The following PHTF1 variants were observed in gnomAD, a reference collection of about 807,000 sequenced individuals.
PHTF1 encodes the protein protein PHTF1.
A neutral mutation model predicts 102.4 loss-of-function variants in PHTF1; 88 were observed. The ratio of observed to expected loss-of-function variants is 0.86; its 90% CI spans 0.72 to 1.03. PHTF1 has a LOEUF of 1.03. PHTF1 is among the 50% of genes least tolerant of loss of function. The probability of loss-of-function intolerance (pLI) is 0.00; values close to 1 mark genes in which losing one functional copy is unlikely to be tolerated. For synonymous variants in PHTF1, 289 were observed against 305.2 expected (o/e 0.95, Z 0.55); for missense variants, 814 against 909.5 (o/e 0.89, Z 1.35).
chr1:113,708,694 T>G (rs1275635888), intron 11 of PHTF1, among the ~76,000 whole-genome samples: 1 of 152,064 alleles, frequency 6.6e-6, no homozygotes, highest in Non-Finnish European at 1.5e-5. Context: ...AGTGTGGTAT[T>G]AAGAAATACA....
At chr1:113,756,879 T>C (rs1263021323) in intron 3 of PHTF1, among the ~76,000 whole-genome samples, 2 of 152,116 alleles carry the variant, frequency 1.3e-5, no homozygotes. Flanking sequence ...CTTAAAACCA[T>C]ACTCTAGGCC....
chr1:113,759,670 T>C (rs1427757149), upstream of PHTF1, among the ~76,000 whole-genome samples: 1 of 152,236 alleles, frequency 6.6e-6, no homozygotes, highest in Non-Finnish European at 1.5e-5. Context: ...AGCAGCTCCC[T>C]CAGATCACCC....
At chr1:113,733,363 G>T (rs1014200481) in intron 5 of PHTF1, among the ~76,000 whole-genome samples, 4 of 151,790 alleles carry the variant, frequency 2.6e-5, no homozygotes, top group Non-Finnish European at 4.4e-5. Context: ...CTATTTCAAA[G>T]AACAAATCCT....
At chr1:113,748,845 T>A (rs535888256) in intron 3 of PHTF1, among the ~76,000 whole-genome samples, 1 of 152,334 alleles carries the variant, frequency 6.6e-6, no homozygotes, top group South Asian at 2.1e-4. Context: ...CCTGAATTTA[T>A]TCTGATTATT....
intron 3 of PHTF1, among the ~76,000 whole-genome samples, chr1:113,752,816 G>T (rs2797414): frequency 1.3e-5 from 2 of 151,972 alleles, no homozygotes; most frequent in African/African-American, 4.8e-5. Flanking sequence ...TACATTGGCT[G>T]GGACTCCCAG....
intron 3 of PHTF1, among the ~76,000 whole-genome samples, chr1:113,743,801 C>T (rs1015768962): frequency 6.6e-6 from 1 of 152,170 alleles, no homozygotes; most frequent in African/African-American, 2.4e-5. Context: ...TGGCACATGA[C>T]TGTACTTAAG....
At chr1:113,711,628 C>T in intron 10 of PHTF1, 118 bp downstream of exon 10, 1 of 691,816 alleles carries the variant, frequency 1.4e-6, no homozygotes, top group South Asian at 1.8e-5. Flanking sequence ...TAATTGGAGA[C>T]AGGGAAGGGC....
chr1:113,721,766 T>C (rs1038623055), intron 7 of PHTF1, among the ~76,000 whole-genome samples: 29 of 152,078 alleles, frequency 1.9e-4, no homozygotes, highest in Non-Finnish European at 3.5e-4. Flanking sequence ...CTTGGCTCAC[T>C]GCAAGCTCCA....
At chr1:113,756,946 TC>T (rs1040736751) in intron 3 of PHTF1, among the ~76,000 whole-genome samples, 5 of 152,094 alleles carry the variant, frequency 3.3e-5, no homozygotes, top group African/African-American at 1.2e-4. Context: ...GGTGAGCAGA[TC>T]ACAAGGTCAG....
intron 3 of PHTF1, among the ~76,000 whole-genome samples, chr1:113,751,019 T>C (rs1004140873): frequency 4.6e-5 from 7 of 152,158 alleles, no homozygotes; most frequent in African/African-American, 1.7e-4. Flanking sequence ...CCCAGCACTT[T>C]GGGAGGCCAG....
At chr1:113,743,756 A>G (rs1656775117) in intron 3 of PHTF1, among the ~76,000 whole-genome samples, 1 of 152,212 alleles carries the variant, frequency 6.6e-6, no homozygotes, top group Non-Finnish European at 1.5e-5. Flanking sequence ...CCATTGTCGT[A>G]TATGAGGTCC....
chr1:113,713,835 G>A (rs7533597), intron 7 of PHTF1: 3,577 of 167,360 alleles, frequency 0.021, 148 homozygotes, highest in African/African-American at 0.08. Context: ...GCCAGGGAGT[G>A]CATTTTTGCC....
chr1:113,758,252 A>AG (rs1659185564), intron 2 of PHTF1, among the ~76,000 whole-genome samples: 1 of 151,560 alleles, frequency 6.6e-6, no homozygotes, highest in African/African-American at 2.4e-5. Context: ...AAAAAAAAAA[A>AG]AAATCCACTT....
chr1:113,750,299 T>C (rs1260401254), intron 3 of PHTF1, among the ~76,000 whole-genome samples: 2 of 152,164 alleles, frequency 1.3e-5, no homozygotes, highest in Admixed American at 6.5e-5. Flanking sequence ...TCATCTTTAA[T>C]GAGGAGTGTC....
intron 15 of PHTF1, among the ~76,000 whole-genome samples, chr1:113,702,564 G>A (rs570191158): frequency 6.6e-6 from 1 of 151,918 alleles, no homozygotes; most frequent in African/African-American, 2.4e-5. Flanking sequence ...CCAGCCTGGG[G>A]AACAAAGCCA....
At chr1:113,740,069 C>T (rs1310494049) in intron 3 of PHTF1, among the ~76,000 whole-genome samples, 1 of 152,166 alleles carries the variant, frequency 6.6e-6, no homozygotes. Flanking sequence ...CTTCGACATA[C>T]AGATTTTCCT....
chr1:113,744,051 T>C (rs998279225), intron 3 of PHTF1, among the ~76,000 whole-genome samples: 4 of 152,234 alleles, frequency 2.6e-5, no homozygotes, highest in African/African-American at 9.6e-5. Flanking sequence ...AGAGGTTCAA[T>C]GGGCATTATG....
intron 3 of PHTF1, among the ~76,000 whole-genome samples, chr1:113,756,590 A>G (rs917063858): frequency 1.3e-4 from 20 of 152,126 alleles, no homozygotes; most frequent in Non-Finnish European, 4.4e-5. Context: ...AGGGCCAAGG[A>G]TGGTTCTTTA....
Position 113,738,163 on chromosome 1 carries a change from T to C in PHTF1, c.278A>G (p.Gln93Arg), listed in dbSNP as rs759586475. 13 of 1,612,798 alleles carry C rather than the reference T, an allele frequency of 8.1e-6. 1 individual carries two copies. The South Asian group carries it at 1.4e-4, about 18-fold the overall frequency. The change falls in exon 5 of 19, where the codon CAG becomes CGG. Residue 93 changes from glutamine to arginine, a missense_variant. Gln to Arg is a conservative substitution (Grantham distance 43). Transcript: ENST00000369604. The part of the protein sequence containing the change: ...FFPLFSNWWI[Q>R]VTSLRIFVWL... ...AACAAAGATTCTTAAAGAGGTAACC[T>C]GAATCCACCAATTGCTGAACAATGG...
Sources: allele counts gnomAD v4.1 joint callset (sites outside exome capture counted in the v4.1 genomes callset), GRCh38; gene constraint gnomAD v4.1.1; transcripts MANE v1.5; gene names NCBI Gene and HGNC (gene_info 2026-07-23, HGNC 2026-07-21).